Variants in NRG1 observed in about 807,000 individuals in gnomAD.
The protein encoded by NRG1 is pro-neuregulin-1, membrane-bound isoform.
A neutral mutation model predicts 63.8 loss-of-function variants in NRG1; 18 were observed. The ratio of observed to expected loss-of-function variants is 0.28; its 90% confidence interval spans 0.19 to 0.42. The LOEUF is 0.42. Ranked by LOEUF, NRG1 falls within the 10% of genes least tolerant of loss-of-function variation. The probability of loss-of-function intolerance (pLI) is 1.00; values close to 1 mark genes in which losing one functional copy is unlikely to be tolerated. For synonymous variants in NRG1, 302 were observed against 301.3 expected, an observed-to-expected ratio of 1.00 and a Z score of -0.02; for missense variants, 762 against 814.7, an observed-to-expected ratio of 0.94 and a Z score of 0.79.
At chr8:32,285,845 ACT>A (rs1308332303) in intron 1 of NRG1, among the ~76,000 whole-genome samples, 1 of 152,036 alleles carries the variant, frequency 6.6e-6, no homozygotes, top group East Asian at 1.9e-4. Flanking sequence ...TTCTGAACAA[ACT>A]CTGGCTGCTC....
chr8:32,667,884 A>C (rs1804621374), intron 5 of NRG1, among the ~76,000 whole-genome samples: 1 of 152,096 alleles, frequency 6.6e-6, no homozygotes. Context: ...ATGATGGCAA[A>C]GGGGAAGAAG....
chr8:31,679,288 C>A (rs572998116), intron 1 of NRG1, among the ~76,000 whole-genome samples: 2 of 152,196 alleles, frequency 1.3e-5, no homozygotes, highest in East Asian at 3.9e-4. Context: ...TTCTTGACTT[C>A]ATTTTTATTT....
chr8:32,046,042 A>G (rs1417767100), intron 1 of NRG1, among the ~76,000 whole-genome samples: 1 of 152,086 alleles, frequency 6.6e-6, no homozygotes, highest in Non-Finnish European at 1.5e-5. Flanking sequence ...CAAATTTCAT[A>G]TTCTTCAAGG....
rs1803612747 is a variant in NRG1 at position 31,640,285 on chromosome 8, G to A, written c.37+854G>A. On this transcript the variant is annotated intron_variant, in intron 1 of 10. Coordinates refer to the NRG1 transcript ENST00000519301. This position sits in a 1 kb window ranked among gnomAD's most constrained non-coding sequence, Gnocchi z 6.3. ...GCAGCAGGGGGCACTCGACAGGAAG[G>A]CGGCGGCGGCGGCGGGCGAGGCAGG... 2 of 1,053,852 alleles carry A rather than the reference G, an allele frequency of 1.9e-6. No individual in the cohort carries two copies. The highest frequency in any genetic ancestry group is 8.9e-5 in the South Asian group (2 of 22,422). 65.3% of individuals were successfully genotyped at this position (1,053,852 alleles called of 1,614,324 possible).
chr8:32,108,207 A>G (rs34163151), intron 1 of NRG1, among the ~76,000 whole-genome samples: 8 of 152,176 alleles, frequency 5.3e-5, no homozygotes, highest in Non-Finnish European at 7.3e-5. Flanking sequence ...GGCAATTAAC[A>G]TTGCAGGTAG....
chr8:32,131,337 G>A (rs1055001488), intron 1 of NRG1, among the ~76,000 whole-genome samples: 6 of 151,990 alleles, frequency 3.9e-5, no homozygotes, highest in African/African-American at 1.2e-4. Context: ...GTAGACTGTA[G>A]TTTTGTCATT....
At chr8:32,082,828 T>C (rs1200022416) in intron 1 of NRG1, among the ~76,000 whole-genome samples, 3 of 152,134 alleles carry the variant, frequency 2.0e-5, no homozygotes, top group Non-Finnish European at 4.4e-5. Context: ...TTGTATATTA[T>C]AAAATATATG....
At chr8:31,818,145 A>G (rs964058962) in intron 1 of NRG1, among the ~76,000 whole-genome samples, 4 of 152,202 alleles carry the variant, frequency 2.6e-5, no homozygotes, top group Non-Finnish European at 5.9e-5. Context: ...AGGATGCATA[A>G]ATATCTTAAG....
intron 1 of NRG1, among the ~76,000 whole-genome samples, chr8:32,177,529 G>A (rs1487988874): frequency 6.6e-6 from 1 of 151,862 alleles, no homozygotes; most frequent in African/African-American, 2.4e-5. Flanking sequence ...TTGTCCTAAT[G>A]CTCTGCCTCC....
At chr8:32,583,717 C>T (rs16879576) in intron 1 of NRG1, among the ~76,000 whole-genome samples, 1 of 152,250 alleles carries the variant, frequency 6.6e-6, no homozygotes, top group Non-Finnish European at 1.5e-5. Flanking sequence ...CCTGGGCTCA[C>T]CCAGAAGGCA....
chr8:31,878,515 G>A (rs976818976), intron 1 of NRG1, among the ~76,000 whole-genome samples: 2 of 152,090 alleles, frequency 1.3e-5, no homozygotes, highest in Non-Finnish European at 2.9e-5. Flanking sequence ...AGAATTATGG[G>A]GCAATATACT....
chr8:32,163,269 A>T (rs1219557530), intron 1 of NRG1, among the ~76,000 whole-genome samples: 7 of 152,138 alleles, frequency 4.6e-5, no homozygotes, highest in Admixed American at 2.6e-4. Flanking sequence ...CCTCCTTTGT[A>T]TGTGTGAGAG....
At chr8:32,055,690 T>A (rs1822802288) in intron 1 of NRG1, among the ~76,000 whole-genome samples, 1 of 151,272 alleles carries the variant, frequency 6.6e-6, no homozygotes, top group Non-Finnish European at 1.5e-5. Context: ...TTTTTTTGCT[T>A]TCAATAGCTG....
intron 1 of NRG1, among the ~76,000 whole-genome samples, chr8:31,852,218 C>A (rs1299065881): frequency 6.6e-6 from 1 of 152,132 alleles, no homozygotes. Context: ...AGTTTACAGT[C>A]CCACCAACAG....
intron 6 of NRG1, among the ~76,000 whole-genome samples, chr8:32,731,049 A>G (rs1183635114): frequency 6.6e-6 from 1 of 152,142 alleles, no homozygotes; most frequent in Admixed American, 6.5e-5. Context: ...AAAGATTTAC[A>G]AGCTGAGTGA....
At chr8:32,308,075 C>T (rs1244121772) in intron 1 of NRG1, among the ~76,000 whole-genome samples, 1 of 152,152 alleles carries the variant, frequency 6.6e-6, no homozygotes, top group Non-Finnish European at 1.5e-5. Context: ...CTCACCCACT[C>T]CTATTTCTTT....
intron 1 of NRG1, among the ~76,000 whole-genome samples, chr8:32,236,171 T>C (rs1398489533): frequency 6.6e-6 from 1 of 151,764 alleles, no homozygotes; most frequent in Non-Finnish European, 1.5e-5. Flanking sequence ...GTGTTTGTTT[T>C]TTGTTTTTCT....
Position 31,640,048 on chromosome 8 carries a change from TCCGCCGCCCGCTCGTCG to T in NRG1, c.37+625_37+641del, listed in dbSNP as rs1300050347. 8.8e-7 allele frequency: 1 copy of T among 1,142,780 alleles called. No individual in the cohort carries two copies. The highest frequency in any genetic ancestry group is 1.1e-6 in the Non-Finnish European group (1 of 932,850). 70.8% of individuals were successfully genotyped at this position (1,142,780 alleles called of 1,614,324 possible). ...CGGCCCCCGGGCCCAGCGCCCCGGC[TCCGCCGCCCGCTCGTCG>T]CCGCCGCTGCCGCTGCTGCCACTAC... On this transcript the variant is annotated intron_variant, in intron 1 of 10. Coordinates refer to the NRG1 transcript ENST00000519301. This position sits in a 1 kb window ranked among gnomAD's most constrained non-coding sequence, Gnocchi z 6.3.
intron 1 of NRG1, among the ~76,000 whole-genome samples, chr8:32,022,745 AT>A (rs1353972378): frequency 2.0e-5 from 3 of 152,130 alleles, no homozygotes; most frequent in African/African-American, 7.2e-5. Context: ...AATTGTATAT[AT>A]TTTTTTCACT....
Sources: allele counts gnomAD v4.1 joint callset (sites outside exome capture counted in the v4.1 genomes callset), GRCh38; gene constraint gnomAD v4.1.1; non-coding constraint Gnocchi (gnomAD v3.1); transcripts MANE v1.5; gene names NCBI Gene and HGNC (gene_info 2026-07-23, HGNC 2026-07-21).